EXTL1: variants seen among roughly 807,000 people sequenced by gnomAD.
EXTL1 encodes the protein exostosin-like 1.
A neutral mutation model predicts 64.6 loss-of-function variants in EXTL1; 43 were observed. The ratio of observed to expected loss-of-function variants is 0.67; its 90% confidence interval spans 0.52 to 0.86. The LOEUF (loss-of-function observed/expected upper bound fraction) is 0.86, where lower values mean the gene tolerates loss of function less well. EXTL1 is among the 40% of genes least tolerant of loss of function. The pLI, the probability that EXTL1 is intolerant of heterozygous loss-of-function variation, is 0.00. For missense variants in EXTL1, 766 were observed against 879.0 expected (o/e 0.87, Z 1.62); for synonymous variants, 352 against 360.5 (o/e 0.98, Z 0.27).
In EXTL1 at chr1:26,035,517, T is replaced by G. The variant is rs976614468; in HGVS notation, c.*170T>G. Reference sequence around the variant, plus strand: ...CACAACAGGGGGGCGTGGCCTTACCTTCTCCTGCTCGCCCTCAGCCGCGGA... The same window carrying G: ...CACAACAGGGGGGCGTGGCCTTACCGTCTCCTGCTCGCCCTCAGCCGCGGA... On this transcript the variant is annotated 3_prime_UTR_variant, in exon 11 of 11. Coordinates refer to ENST00000374280, the MANE Select transcript of EXTL1 (RefSeq NM_004455.3). This position sits in a 1 kb window ranked among gnomAD's most constrained non-coding sequence, Gnocchi z 5.3. The G allele has an allele frequency of 3.9e-6, 2 of 511,466 alleles. No individual in the cohort carries two copies. Among genetic ancestry groups the G allele is most frequent in the Admixed American group, 3.4e-5 (1 of 29,586 alleles). The allele number at this position is 511,466 out of a possible 1,614,324, so 31.7% of individuals were successfully genotyped here.
chr1:26,030,486 C>A lies in EXTL1; in HGVS notation c.992C>A (p.Ala331Asp), dbSNP rs770908569. 2 of 1,610,612 alleles carry A rather than the reference C, an allele frequency of 1.2e-6. No homozygotes were observed. Among genetic ancestry groups the A allele is most frequent in the Non-Finnish European group, 1.7e-6 (2 of 1,178,222 alleles). ...CCCTCTCTGCTCCAGGTCCTGGCTG[C>A]CCTCCAGGAGATGTCCCCTGCACGG... ...DERLPLQVLA[A>D]LQEMSPARVL... The change falls in exon 4 of 11, where the codon GCC becomes GAC. Residue 331 changes from alanine to aspartate, a missense_variant. By Grantham distance (126) the Ala-to-Asp change is moderately radical (BLOSUM62 -2). Coordinates refer to ENST00000374280, the MANE Select transcript of EXTL1 (RefSeq NM_004455.3).
rs1254265565 is a variant in EXTL1 at position 26,022,482 on chromosome 1, TAGAC to T, written c.-162_-159del. 1.6e-6 allele frequency: 1 copy of T among 607,136 alleles called. No homozygotes were observed. Among genetic ancestry groups the T allele is most frequent in the South Asian group, 2.4e-5 (1 of 42,260 alleles). The allele number at this position is 607,136 out of a possible 1,614,324, so 37.6% of individuals were successfully genotyped here. A position where few individuals can be genotyped will look rare whatever the true frequency, so the allele number is the denominator to read the frequency against. On this transcript the variant is annotated 5_prime_UTR_variant, in exon 1 of 11. An upstream open reading frame in the 5' UTR loses its in-frame stop. Coordinates refer to ENST00000374280, the MANE Select transcript of EXTL1 (RefSeq NM_004455.3). The stretch of plus-strand genomic sequence containing the variant: ...TGGCTGGTGACTCACTATCTGACCT[TAGAC>T]AGGCGGCCTGGTCTCGATGGGCCTC...
chr1:26,033,947 A>T lies in EXTL1; in HGVS notation c.1679+91A>T. ...AACGGAGCAGAGTGGCCTAGACCCC[A>T]GGGATCCAGGTTCAAGGCCGAGATC... On this transcript the variant is annotated intron_variant, in intron 9 of 10. Coordinates refer to ENST00000374280, the MANE Select transcript of EXTL1 (RefSeq NM_004455.3). This position sits in a 1 kb window ranked among gnomAD's most constrained non-coding sequence, Gnocchi z 5.1. 1 of 1,163,774 alleles carries T rather than the reference A, an allele frequency of 8.6e-7. No homozygotes were observed. Among genetic ancestry groups the T allele is most frequent in the Non-Finnish European group, 1.1e-6 (1 of 883,494 alleles). 72.1% of individuals were successfully genotyped at this position (1,163,774 alleles called of 1,614,324 possible). A position where few individuals can be genotyped will look rare whatever the true frequency, so the allele number is the denominator to read the frequency against.
chr1:26,022,415 G>T lies in EXTL1; in HGVS notation c.-232G>T, dbSNP rs780941534. 1 of 498,424 alleles carries T rather than the reference G, an allele frequency of 2.0e-6. No individual in the cohort carries two copies. The highest frequency in any genetic ancestry group is 3.6e-6 in the Non-Finnish European group (1 of 281,336). The allele number at this position is 498,424 out of a possible 1,614,324, so 30.9% of individuals were successfully genotyped here. A position where few individuals can be genotyped will look rare whatever the true frequency, so the allele number is the denominator to read the frequency against. On this transcript the variant is annotated 5_prime_UTR_variant, in exon 1 of 11. Coordinates refer to ENST00000374280, the MANE Select transcript of EXTL1 (RefSeq NM_004455.3). The stretch of plus-strand genomic sequence containing the variant: ...GAAGGCAGAGTCCTGAGAGCAGGGG[G>T]GCCAGGCCAGCAAGCTGGGTCCCAC...
At chr1:26,029,083 G>T in intron 1 of EXTL1, 110 bp from the exon 2 acceptor site, 1 of 681,112 alleles carries the variant, frequency 1.5e-6, no homozygotes. Context: ...ACATTTGGGA[G>T]TGTGGGTGTG....
intron 2 of EXTL1, 53 bp from the exon 3 acceptor site, chr1:26,029,547 G>A: frequency 9.3e-7 from 1 of 1,075,592 alleles, no homozygotes; most frequent in Non-Finnish European, 1.4e-6. Flanking sequence ...TGGGCGGGGG[G>A]TGAGTATGTG....
chr1:26,027,689 T>TAAAAAAAA (rs61364586), intron 1 of EXTL1, among the ~76,000 whole-genome samples: 2 of 57,068 alleles, frequency 3.5e-5, no homozygotes, highest in African/African-American at 6.6e-5. Flanking sequence ...ACCCCATCTC[T>TAAAAAAAA]AAAAAAAAAA....
chr1:26,031,380 C>T, intron 5 of EXTL1, 80 bp from the exon 6 acceptor site: 1 of 1,393,262 alleles, frequency 7.2e-7, no homozygotes, highest in Non-Finnish European at 9.8e-7. Context: ...TTTCCTGGCC[C>T]CCGGGGATTC....
intron 1 of EXTL1, among the ~76,000 whole-genome samples, chr1:26,027,713 G>A (rs1245630927): frequency 2.8e-5 from 3 of 105,400 alleles, no homozygotes; most frequent in Admixed American, 9.2e-5. Context: ...AAAAAAGCCA[G>A]CACGTGCCTG....
Position 26,022,958 on chromosome 1 carries a change from T to A in EXTL1, c.312T>A (p.Val104=). 1.9e-6 allele frequency: 3 copies of A among 1,614,162 alleles called. No homozygotes were observed. The highest frequency in any genetic ancestry group is 2.5e-6 in the Non-Finnish European group (3 of 1,180,018). ...TTAAGGTATTCGTGTACCCAGCGGT[T>A]GGAACCATCTCTGAGACTCATCGCA... ...DGLKVFVYPA[V]GTISETHRRI... The change falls in exon 1 of 11, where the codon GTT becomes GTA. Residue 104 remains valine, a synonymous_variant. Transcript: ENST00000374280.
intron 6 of EXTL1, 86 bp downstream of exon 6, chr1:26,031,652 G>A (rs763116196): frequency 1.8e-4 from 129 of 710,932 alleles, no homozygotes; most frequent in Non-Finnish European, 2.5e-4. Context: ...AGACCCCAAA[G>A]ATGACCACTA....
rs761126641 is a variant in EXTL1, at chr1:26,029,617, G to A, written c.891G>A (p.Val297=). Residue 297 remains valine (V), a synonymous_variant, in exon 3 of 11, where the codon GTG becomes GTA. Coordinates refer to ENST00000374280, the MANE Select transcript of EXTL1 (RefSeq NM_004455.3). ...CCCCCCAGGCCGGCTGCATCCCAGTGCTTCTCAGCCCCCGCTGGGAGCTGC... is the reference window on the plus strand; with the variant it reads ...CCCCCCAGGCCGGCTGCATCCCAGTACTTCTCAGCCCCCGCTGGGAGCTGC... ...LQALQAGCIP[V]LLSPRWELPF... 7.5e-6 allele frequency: 12 copies of A among 1,609,478 alleles called. No individual in the cohort carries two copies. The highest frequency in any genetic ancestry group is 1.0e-5 in the Non-Finnish European group (12 of 1,178,722).
rs750138564 is a variant in EXTL1, at chr1:26,033,179, G to A, written c.1432-50G>A. The A allele has an allele frequency of 2.3e-6, 3 of 1,292,092 alleles. No homozygotes were observed. The highest frequency in any genetic ancestry group is 3.4e-6 in the Non-Finnish European group (3 of 887,442). The allele number at this position is 1,292,092 out of a possible 1,614,324, so 80.0% of individuals were successfully genotyped here. ...GAATGGCTCCTACTTATTGGATGGGGGTGGGGGGAATGTTCCAATGGCTGA... is the reference window on the plus strand; with the variant it reads ...GAATGGCTCCTACTTATTGGATGGGAGTGGGGGGAATGTTCCAATGGCTGA... On this transcript the variant is annotated intron_variant, in intron 7 of 10. Coordinates refer to ENST00000374280, the MANE Select transcript of EXTL1 (RefSeq NM_004455.3). The surrounding 1 kb of genome is among the most constrained non-coding windows in gnomAD (Gnocchi z 5.1).
In EXTL1 at chr1:26,035,774, G is replaced by A. The variant is rs2050334124; in HGVS notation, c.*427G>A. On this transcript the variant is annotated 3_prime_UTR_variant, in exon 11 of 11. Transcript: ENST00000374280. The surrounding 1 kb of genome is among the most constrained non-coding windows in gnomAD (Gnocchi z 5.3). Reference sequence around the variant, plus strand: ...TTGCGAGCCCCGGGGGGCGGGTCGTGTCGTGTCCTTTTCTCTCTGGCTAGG... The same window carrying A: ...TTGCGAGCCCCGGGGGGCGGGTCGTATCGTGTCCTTTTCTCTCTGGCTAGG... 5.8e-6 allele frequency: 1 copy of A among 172,638 alleles called. No individual in the cohort carries two copies. Among genetic ancestry groups the A allele is most frequent in the Non-Finnish European group, 1.2e-5 (1 of 81,824 alleles). The allele number at this position is 172,638 out of a possible 1,614,324, so 10.7% of individuals were successfully genotyped here.
chr1:26,031,280 G>A lies in EXTL1; in HGVS notation c.1234+16G>A. On this transcript the variant is annotated intron_variant, in intron 5 of 10. Transcript: ENST00000374280. The stretch of plus-strand genomic sequence containing the variant: ...CTGCAACAGGGTATGCCCTGGGGAT[G>A]GGACAACCTGAAGTCCCCTCAGCTC... The A allele has an allele frequency of 6.2e-7, 1 of 1,611,798 alleles. No individual in the cohort carries two copies. The highest frequency in any genetic ancestry group is 1.3e-5 in the African/African-American group (1 of 74,958).
intron 4 of EXTL1, 115 bp from the exon 5 acceptor site, chr1:26,031,017 C>T (rs1368399435): frequency 7.5e-7 from 1 of 1,332,994 alleles, no homozygotes; most frequent in African/African-American, 1.5e-5. Context: ...CTAGACTCAG[C>T]TTCTGACCCC....
In EXTL1 at chr1:26,035,352, G is replaced by A. The variant is rs536267900; in HGVS notation, c.*5G>A. 1.3e-5 allele frequency: 20 copies of A among 1,597,756 alleles called. No homozygotes were observed. In the African/African-American group the frequency reaches 2.1e-4, roughly 17 times the overall value. On this transcript the variant is annotated 3_prime_UTR_variant, in exon 11 of 11. Coordinates refer to ENST00000374280, the MANE Select transcript of EXTL1 (RefSeq NM_004455.3). The surrounding 1 kb of genome is among the most constrained non-coding windows in gnomAD (Gnocchi z 5.3). ...CGCAGCCTGGAGAAGCCCTAGGGGG[G>A]CGACCCGCGGAGACCCCAGCAGAGG... is the stretch of plus-strand genomic sequence containing the variant.
rs1353632715 is a variant in EXTL1, at chr1:26,022,865, A to G, written c.219A>G (p.Gln73=). 1 of 1,613,946 alleles carries G rather than the reference A, an allele frequency of 6.2e-7. No homozygotes were observed. The highest frequency in any genetic ancestry group is 2.2e-5 in the East Asian group (1 of 44,874). ...CAGAAGATGCCGTTTCACCTCCTCA[A>G]GCCCCTCATGGTGGCAGCTGCAACT... The part of the protein sequence containing the change: ...ELPEDAVSPP[Q]APHGGSCNWE... The change falls in exon 1 of 11, where the codon CAA becomes CAG. Residue 73 remains glutamine (Q), a synonymous_variant. Transcript: ENST00000374280.
chr1:26,024,901 G>A (rs1557550119), intron 1 of EXTL1, among the ~76,000 whole-genome samples: 1 of 152,206 alleles, frequency 6.6e-6, no homozygotes, highest in Non-Finnish European at 1.5e-5. Context: ...TTGAGAAACT[G>A]GAAGTTAGGG....
Sources: gnomAD v4.1 joint callset for allele counts (sites outside exome capture counted in the v4.1 genomes callset) on GRCh38, gnomAD v4.1.1 for gene constraint, Gnocchi (gnomAD v3.1) non-coding constraint, MANE v1.5 for transcripts, NCBI Gene and HGNC (gene_info 2026-07-23, HGNC 2026-07-21) for gene names.